LBHD2: variants seen among roughly 807,000 people sequenced by gnomAD.
The protein encoded by LBHD2 is LBH domain-containing protein 2.
intron 3 of LBHD2, among the ~76,000 whole-genome samples, chr14:103,088,792 G>A (rs537947489): frequency 1.0e-3 from 158 of 152,318 alleles, no homozygotes; most frequent in African/African-American, 3.6e-3. Flanking sequence ...TCAGGAGTTC[G>A]AGACTAGCCT....
rs923034983 is a variant in LBHD2 at position 103,088,161 on chromosome 14, C to T, written c.146C>T (p.Ala49Val). Residue 49 changes from alanine (A) to valine (V), a missense_variant, in exon 3 of 4, where the codon GCG (alanine) becomes GTG (valine). Ala to Val is a moderately conservative substitution (Grantham distance 64, BLOSUM62 0). Transcript: ENST00000634353. ...LPSIVVEPSE[A>V]DPVESGELRW... The stretch of plus-strand genomic sequence containing the variant: ...TCAATCGTGGTGGAGCCCAGCGAGG[C>T]GGACCCTGTGGAAAGTGGGGAGCTG... 1.3e-5 allele frequency: 5 copies of T among 398,636 alleles called. No homozygotes were observed. Among genetic ancestry groups the T allele is most frequent in the South Asian group, 1.3e-4 (1 of 7,864 alleles). The allele number at this position is 398,636 out of a possible 1,614,324, so 24.7% of individuals were successfully genotyped here.
Position 103,089,618 on chromosome 14 carries a change from C to T in LBHD2, c.227-79C>T, listed in dbSNP as rs1044933351. The T allele has an allele frequency of 3.0e-5, 12 of 398,124 alleles. No individual in the cohort carries two copies. In the Admixed American group the frequency reaches 4.4e-4, roughly 15 times the overall value. The allele number at this position is 398,124 out of a possible 1,614,324, so 24.7% of individuals were successfully genotyped here. A position where few individuals can be genotyped will look rare whatever the true frequency, so the allele number is the denominator to read the frequency against. Reference sequence around the variant, plus strand: ...TGCCCCAGCCCAGTTGCCTGCCAAACGCTCATTTCGGGCCCCTGGGATCCT... The same window carrying T: ...TGCCCCAGCCCAGTTGCCTGCCAAATGCTCATTTCGGGCCCCTGGGATCCT... On this transcript the variant is annotated intron_variant, in intron 3 of 3. Coordinates refer to ENST00000634353, the MANE Select transcript of LBHD2 (RefSeq NM_001330236.2).
At chr14:103,088,794 G>C (rs1387912895) in intron 3 of LBHD2, among the ~76,000 whole-genome samples, 6 of 152,236 alleles carry the variant, frequency 3.9e-5, no homozygotes, top group African/African-American at 1.4e-4. Context: ...AGGAGTTCGA[G>C]ACTAGCCTGG....
chr14:103,086,568 C>T (rs1159455608), intron 2 of LBHD2, among the ~76,000 whole-genome samples: 1 of 152,170 alleles, frequency 6.6e-6, no homozygotes, highest in African/African-American at 2.4e-5. Flanking sequence ...GCATTCCTGG[C>T]TTACTTAGCA....
chr14:103,088,528 G>A (rs1595223317), intron 3 of LBHD2, among the ~76,000 whole-genome samples: 1 of 152,242 alleles, frequency 6.6e-6, no homozygotes, highest in South Asian at 2.1e-4. Context: ...ATTGTTGAAT[G>A]AGTGATGCCA....
chr14:103,087,321 C>T (rs926572560), intron 2 of LBHD2, among the ~76,000 whole-genome samples: 5 of 152,334 alleles, frequency 3.3e-5, no homozygotes, highest in East Asian at 1.9e-4. Flanking sequence ...TGTCCTTCCT[C>T]GAGGCCCTTG....
chr14:103,088,617 G>T (rs1889666782), intron 3 of LBHD2, among the ~76,000 whole-genome samples: 1 of 152,254 alleles, frequency 6.6e-6, no homozygotes, highest in Admixed American at 6.5e-5. Context: ...GGGCCTGGGA[G>T]GCTGTGAGCC....
chr14:103,087,060 T>C (rs909754024), intron 2 of LBHD2, among the ~76,000 whole-genome samples: 2 of 152,216 alleles, frequency 1.3e-5, no homozygotes. Context: ...TGGCTGGCAA[T>C]GCCAGCATGA....
intron 1 of LBHD2, among the ~76,000 whole-genome samples, 160 bp from the exon 2 acceptor site, chr14:103,085,816 C>T (rs985120509): frequency 3.3e-5 from 5 of 152,198 alleles, no homozygotes; most frequent in African/African-American, 9.7e-5. Flanking sequence ...CCCCCTCTGG[C>T]GGCGGGCTCA....
intron 2 of LBHD2, among the ~76,000 whole-genome samples, chr14:103,087,740 G>A (rs1322485210): frequency 6.6e-6 from 1 of 152,196 alleles, no homozygotes; most frequent in African/African-American, 2.4e-5. Flanking sequence ...GGCAGCTGGG[G>A]GTGCGCAGAA....
At position 103,090,011 on chromosome 14, in the gene LBHD2, A is replaced by G. The variant is rs891357088; in HGVS notation, c.*214A>G. On this transcript the variant is annotated 3_prime_UTR_variant, in exon 4 of 4. Coordinates refer to ENST00000634353, the MANE Select transcript of LBHD2 (RefSeq NM_001330236.2). ...TTGTTCCGTGGTTTGAAGCAGAAATAAAGGCACTTCCTGGTGGCCAGTAGG... is the reference window on the plus strand; with the variant it reads ...TTGTTCCGTGGTTTGAAGCAGAAATGAAGGCACTTCCTGGTGGCCAGTAGG... The G allele has an allele frequency of 5.4e-5, 21 of 390,448 alleles. No homozygotes were observed. Among genetic ancestry groups the G allele is most frequent in the Middle Eastern group, 1.3e-3 (2 of 1,552 alleles). The allele number at this position is 390,448 out of a possible 1,614,324, so 24.2% of individuals were successfully genotyped here.
intron 2 of LBHD2, among the ~76,000 whole-genome samples, chr14:103,086,554 G>A (rs1369744637): frequency 7.2e-5 from 11 of 152,116 alleles, no homozygotes; most frequent in African/African-American, 2.7e-4. Flanking sequence ...AAAATTGAAG[G>A]CCAGCATTCC....
chr14:103,085,053 C>A (rs1306304961), intron 1 of LBHD2, among the ~76,000 whole-genome samples: 1 of 152,202 alleles, frequency 6.6e-6, no homozygotes, highest in African/African-American at 2.4e-5. Flanking sequence ...CTCAGTGGGA[C>A]CCCAGCTGAC....
In LBHD2 at chr14:103,089,685, A is replaced by G. The variant is rs541653983; in HGVS notation, c.227-12A>G. 6 of 398,564 alleles carry G rather than the reference A, an allele frequency of 1.5e-5. No homozygotes were observed. The South Asian group carries it at 3.8e-4, about 25-fold the overall frequency. The allele number at this position is 398,564 out of a possible 1,614,324, so 24.7% of individuals were successfully genotyped here. A position where few individuals can be genotyped will look rare whatever the true frequency, so the allele number is the denominator to read the frequency against. On this transcript the variant is annotated splice_polypyrimidine_tract_variant and intron_variant, in intron 3 of 3. Coordinates refer to ENST00000634353, the MANE Select transcript of LBHD2 (RefSeq NM_001330236.2). Reference sequence around the variant, plus strand: ...CCCGCCGACCAACACGGCCGCCTTTATGTTTCTGCAGCCCCCTCGCCGAGT... The same window carrying G: ...CCCGCCGACCAACACGGCCGCCTTTGTGTTTCTGCAGCCCCCTCGCCGAGT...
In LBHD2 at chr14:103,086,061, G is replaced by A. The variant is rs2403125; in HGVS notation, c.49G>A (p.Ala17Thr). 283,872 of 398,398 alleles carry A rather than the reference G, an allele frequency of 0.71. 103,538 individuals carry two copies. Among genetic ancestry groups the A allele is most frequent in the Non-Finnish European group, 0.77 (173,990 of 226,030 alleles). The allele number at this position is 398,398 out of a possible 1,614,324, so 24.7% of individuals were successfully genotyped here. A position where few individuals can be genotyped will look rare whatever the true frequency, so the allele number is the denominator to read the frequency against. ...APPQPGAAEG[A>T]GGPEGKAVAG... ...ACCACAGCCAGGCGCTGCTGAGGGG[G>A]CTGGAGGCCCAGAAGGGAAGGTATG... Residue 17 changes from alanine (A) to threonine (T), a missense_variant, in exon 2 of 4, where the codon GCT (alanine) becomes ACT (threonine). Transcript: ENST00000634353.
At chr14:103,088,854 C>T (rs937491184) in intron 3 of LBHD2, among the ~76,000 whole-genome samples, 2 of 152,244 alleles carry the variant, frequency 1.3e-5, no homozygotes, top group Non-Finnish European at 1.5e-5. Context: ...ATTAGCCAGG[C>T]ATGGTGGCGG....
At chr14:103,088,264 G>T (rs1278307217) in intron 3 of LBHD2, 23 bp downstream of exon 3, 10 of 398,992 alleles carry the variant, frequency 2.5e-5, no homozygotes, top group Admixed American at 2.2e-4. Flanking sequence ...GCCTGTGGGG[G>T]TGCTGAGAGG....
chr14:103,087,460 A>C lies in LBHD2; in HGVS notation c.70-625A>C, dbSNP rs529896297. Among the ~76,000 whole-genome samples, 480 of 152,284 alleles carry C rather than the reference A, an allele frequency of 3.2e-3. 3 individuals carry two copies. Among genetic ancestry groups the C allele is most frequent in the African/African-American group, 0.011 (453 of 41,558 alleles). On this transcript the variant is annotated intron_variant, in intron 2 of 3. Transcript: ENST00000634353. ...GGGACAGGGCAGGCAAGTCAGGGCC[A>C]CCGGGGCGCTGAGGGACAGAGTTCT...
At chr14:103,087,934 C>G (rs756961869) in intron 2 of LBHD2, among the ~76,000 whole-genome samples, 151 bp from the exon 3 acceptor site, 3 of 152,096 alleles carry the variant, frequency 2.0e-5, no homozygotes, top group Non-Finnish European at 4.4e-5. Context: ...AGGGATGTTC[C>G]TGTGTGAATA....
Sources: gnomAD v4.1 joint callset for allele counts (sites outside exome capture counted in the v4.1 genomes callset) on GRCh38, gnomAD v4.1.1 for gene constraint, MANE v1.5 for transcripts, NCBI Gene and HGNC (gene_info 2026-07-23, HGNC 2026-07-21) for gene names.